Variants in USP32 observed in about 807,000 individuals in gnomAD.
USP32 encodes the protein ubiquitin specific peptidase 32.
A neutral mutation model predicts 204.8 loss-of-function variants in USP32; 59 were observed. That is an observed-to-expected ratio of 0.29 (90% CI 0.23 to 0.36). The LOEUF is 0.36. Ranked by LOEUF, USP32 falls within the 10% of genes least tolerant of loss-of-function variation. The probability of loss-of-function intolerance (pLI) is 1.00; values close to 1 mark genes in which losing one functional copy is unlikely to be tolerated. For missense variants in USP32, 1,160 were observed against 1,946.4 expected, an observed-to-expected ratio of 0.60 and a Z score of 7.60; for synonymous variants, 517 against 678.4, an observed-to-expected ratio of 0.76 and a Z score of 3.70.
intron 1 of USP32, chr17:60,421,502 A>ACTGGGC: frequency 1.0e-6 from 1 of 985,456 alleles, no homozygotes; most frequent in Non-Finnish European, 1.2e-6. Context: ...AGTGGGGACA[A>ACTGGGC]CTGGGCCCGG....
At chr17:60,211,169 T>C (rs1270089641) in intron 20 of USP32, 51 bp from the exon 21 acceptor site, 2 of 1,591,190 alleles carry the variant, frequency 1.3e-6, no homozygotes, top group Non-Finnish European at 8.6e-7. Flanking sequence ...TAAATCACAA[T>C]CATGTGGGCG....
chr17:60,378,019 A>G (rs1429923651), intron 1 of USP32, among the ~76,000 whole-genome samples: 2 of 152,196 alleles, frequency 1.3e-5, no homozygotes, highest in African/African-American at 4.8e-5. Context: ...AATATTTGGG[A>G]GAAAATATTT....
At chr17:60,306,447 G>A (rs543771877) in intron 2 of USP32, among the ~76,000 whole-genome samples, 1 of 152,110 alleles carries the variant, frequency 6.6e-6, no homozygotes, top group African/African-American at 2.4e-5. Flanking sequence ...AGAGCTGCCT[G>A]GCCAATGTGG....
intron 5 of USP32, among the ~76,000 whole-genome samples, chr17:60,288,113 C>CAAAAAAA (rs1045323566): frequency 1.0e-4 from 3 of 29,460 alleles, no homozygotes; most frequent in African/African-American, 2.2e-4. Context: ...GACTTCGTCT[C>CAAAAAAA]AAAAAAAAAA....
chr17:60,416,178 G>A (rs1326736425), intron 1 of USP32, among the ~76,000 whole-genome samples: 1 of 152,114 alleles, frequency 6.6e-6, no homozygotes, highest in African/African-American at 2.4e-5. Flanking sequence ...ATAGAGGAGA[G>A]TTCTTTAGGG....
At chr17:60,408,124 AC>A (rs1160321428) in intron 1 of USP32, among the ~76,000 whole-genome samples, 1 of 151,936 alleles carries the variant, frequency 6.6e-6, no homozygotes, top group Non-Finnish European at 1.5e-5. Flanking sequence ...AAAAAGAAAA[AC>A]AATGTGACAT....
At chr17:60,223,623 A>G in intron 13 of USP32, 37 bp from the exon 14 acceptor site, 1 of 1,555,050 alleles carries the variant, frequency 6.4e-7, no homozygotes, top group Non-Finnish European at 8.7e-7. Context: ...TCTTATTTTT[A>G]GTTATTATAC....
At chr17:60,219,394 C>T (rs1403277580) in intron 16 of USP32, among the ~76,000 whole-genome samples, 2 of 151,860 alleles carry the variant, frequency 1.3e-5, no homozygotes, top group African/African-American at 2.4e-5. Context: ...GAAAAGGAAA[C>T]ATCCCATCTC....
chr17:60,214,441 T>C (rs2586324), intron 17 of USP32, among the ~76,000 whole-genome samples, 179 bp downstream of exon 17: 2,721 of 145,794 alleles, frequency 0.019, 139 homozygotes, highest in African/African-American at 0.07. Flanking sequence ...AGCATAATTA[T>C]TATAGGTAAA....
At chr17:60,215,782 C>G (rs1163738884) in intron 16 of USP32, among the ~76,000 whole-genome samples, 1 of 152,074 alleles carries the variant, frequency 6.6e-6, no homozygotes, top group African/African-American at 2.4e-5. Flanking sequence ...GAGATAAGGT[C>G]TCATTCTGTT....
intron 3 of USP32, among the ~76,000 whole-genome samples, chr17:60,299,988 C>G (rs1412256516): frequency 6.6e-6 from 1 of 152,126 alleles, no homozygotes; most frequent in African/African-American, 2.4e-5. Context: ...CCCTCATGAC[C>G]TAATCACCTC....
chr17:60,276,108 G>A (rs1352790565), intron 5 of USP32, among the ~76,000 whole-genome samples: 1 of 152,074 alleles, frequency 6.6e-6, no homozygotes, highest in African/African-American at 2.4e-5. Flanking sequence ...GCTGGGCGTG[G>A]TGGCTCACAC....
intron 1 of USP32, among the ~76,000 whole-genome samples, chr17:60,350,690 TTCTC>T (rs1373150026): frequency 6.6e-6 from 1 of 151,720 alleles, no homozygotes; most frequent in African/African-American, 2.4e-5. Flanking sequence ...TTCTTAAATC[TTCTC>T]TCTCTCCCTC....
chr17:60,311,889 T>G (rs550616963), intron 2 of USP32, among the ~76,000 whole-genome samples: 1 of 151,594 alleles, frequency 6.6e-6, no homozygotes, highest in South Asian at 2.1e-4. Context: ...AGTTGTAGCA[T>G]GTTTCAACTG....
chr17:60,215,117 G>A (rs1250661704), intron 16 of USP32, among the ~76,000 whole-genome samples: 6 of 151,998 alleles, frequency 3.9e-5, no homozygotes, highest in African/African-American at 7.2e-5. Flanking sequence ...ACAGGTGCAC[G>A]CCACCACATC....
chr17:60,307,924 A>T (rs1340117188), intron 2 of USP32, among the ~76,000 whole-genome samples: 4 of 152,230 alleles, frequency 2.6e-5, no homozygotes, highest in Non-Finnish European at 5.9e-5. Context: ...GGAACACATC[A>T]GTTGAAGAGC....
intron 2 of USP32, among the ~76,000 whole-genome samples, chr17:60,302,446 C>T (rs1025453689): frequency 3.3e-5 from 5 of 152,226 alleles, no homozygotes; most frequent in Admixed American, 3.3e-4. Flanking sequence ...CGCGCCTGGC[C>T]TGAGCACATT....
chr17:60,205,606 C>T lies in USP32; in HGVS notation c.3090G>A (p.Gly1030=), dbSNP rs540472522. The T allele has an allele frequency of 2.8e-5, 45 of 1,613,800 alleles. No individual in the cohort carries two copies. In the East Asian group the frequency reaches 9.6e-4, roughly 34 times the overall value. ...GGATGAATATTGGTCGGGGTAGGTC[C>T]CCATTGGTAGTTAGGGTGAACATTT... is the stretch of plus-strand genomic sequence containing the variant. ...TNEMFTLTTN[G]DLPRPIFIPN... Residue 1030 remains glycine, a synonymous_variant, in exon 26 of 34, where the codon GGG becomes GGA. Coordinates refer to ENST00000300896, the MANE Select transcript of USP32 (RefSeq NM_032582.4).
At chr17:60,351,350 T>C (rs767632156) in intron 1 of USP32, among the ~76,000 whole-genome samples, 2 of 151,794 alleles carry the variant, frequency 1.3e-5, no homozygotes, top group Non-Finnish European at 2.9e-5. Flanking sequence ...CATGCACCAC[T>C]ATGTCAGGCC....
Sources: allele counts gnomAD v4.1 joint callset (sites outside exome capture counted in the v4.1 genomes callset), GRCh38; gene constraint gnomAD v4.1.1; transcripts MANE v1.5; gene names NCBI Gene and HGNC (gene_info 2026-07-23, HGNC 2026-07-21).